MYO10: variants seen among roughly 807,000 people sequenced by gnomAD.
MYO10 encodes the protein myosin X, also known as unconventional myosin-X.
MYO10 carries 133 observed loss-of-function variants against 257.3 expected under a neutral mutation model. The ratio of observed to expected loss-of-function variants is 0.52; its 90% CI spans 0.45 to 0.60. The LOEUF is 0.60. Among genes scored for constraint, MYO10 ranks in the 20% least tolerant of loss-of-function variants. MYO10 has a pLI of 0.00. For missense variants in MYO10, 2,399 were observed against 2,635.7 expected (o/e 0.91, Z 1.97); for synonymous variants, 1,104 against 1,028.6 (o/e 1.07, Z -1.40).
At position 16,700,113 on chromosome 5, in the gene MYO10, G is replaced by C. The variant is rs116834486; in HGVS notation, c.3433-540C>G. ...GCACGACCAAAGCGACAAAATAAAA[G>C]TAAACTACAGATAAATCCAGAAACT... On this transcript the variant is annotated intron_variant, in intron 25 of 40. Coordinates refer to ENST00000513610, the MANE Select transcript of MYO10 (RefSeq NM_012334.3). 2.0e-4 allele frequency among the ~76,000 whole-genome samples: 31 copies of C among 152,238 alleles called. 1 individual carries two copies. The highest frequency in any genetic ancestry group is 3.4e-4 in the Non-Finnish European group (23 of 68,020).
rs528342454 is a variant in MYO10, at chr5:16,769,408, C to G, written c.931-205G>C. On this transcript the variant is annotated intron_variant, in intron 9 of 40. Transcript: ENST00000513610. ...GGAGTGCAGTGGCACGATCTTGGCT[C>G]ACTGCAACCTCCGCCTCCTGGGTTC... 2.6e-5 allele frequency among the ~76,000 whole-genome samples: 4 copies of G among 152,304 alleles called. No homozygotes were observed. The South Asian group carries it at 8.3e-4, about 32-fold the overall frequency.
At chr5:16,795,140 T>A (rs1293559343) in intron 3 of MYO10, among the ~76,000 whole-genome samples, 1 of 152,202 alleles carries the variant, frequency 6.6e-6, no homozygotes. Context: ...TCCCTTCCCA[T>A]GGGCAAAGGA....
chr5:16,735,520 T>C (rs1739757488), intron 19 of MYO10, among the ~76,000 whole-genome samples: 1 of 151,832 alleles, frequency 6.6e-6, no homozygotes, highest in Admixed American at 6.6e-5. Context: ...GCCTGGGCAA[T>C]ATAGGGAGAC....
intron 33 of MYO10, among the ~76,000 whole-genome samples, chr5:16,679,286 C>T (rs55730774): frequency 9.2e-5 from 14 of 152,142 alleles, no homozygotes; most frequent in African/African-American, 2.2e-4. Context: ...GAGAACCTGA[C>T]GCAAAGCAGG....
chr5:16,813,442 T>A lies in MYO10; in HGVS notation c.279+4567A>T, dbSNP rs1742501828. 2.0e-5 allele frequency among the ~76,000 whole-genome samples: 3 copies of A among 151,752 alleles called. No homozygotes were observed. The South Asian group carries it at 6.2e-4, about 32-fold the overall frequency. On this transcript the variant is annotated intron_variant, in intron 3 of 40. Transcript: ENST00000513610. ...ATATTATATACTGTAGTACTATATA[T>A]ATACTCAGGCGAGAGGATCACTGGA...
intron 2 of MYO10, among the ~76,000 whole-genome samples, chr5:16,855,819 C>T (rs1052026261): frequency 8.5e-5 from 13 of 152,182 alleles, no homozygotes; most frequent in Admixed American, 6.5e-5. Flanking sequence ...TCTGACGTGG[C>T]GGGGAGATGG....
intron 1 of MYO10, among the ~76,000 whole-genome samples, chr5:16,923,695 CT>C (rs869259743): frequency 6.7e-6 from 1 of 148,384 alleles, no homozygotes; most frequent in Non-Finnish European, 1.5e-5. Flanking sequence ...CACACACACA[CT>C]CCCTAACATC....
chr5:16,920,227 T>A (rs757127423), intron 1 of MYO10, among the ~76,000 whole-genome samples: 1 of 152,098 alleles, frequency 6.6e-6, no homozygotes, highest in African/African-American at 2.4e-5. Flanking sequence ...TGAACCGACA[T>A]TGCGCCACTG....
At chr5:16,698,922 C>G (rs1328916802) in intron 26 of MYO10, among the ~76,000 whole-genome samples, 1 of 143,648 alleles carries the variant, frequency 7.0e-6, no homozygotes, top group East Asian at 1.9e-4. Context: ...CACGCCCGGC[C>G]GAGAACATGC....
chr5:16,818,145 G>C lies in MYO10; in HGVS notation c.143C>G (p.Thr48Arg), dbSNP rs760392319. 4 of 1,595,228 alleles carry C rather than the reference G, an allele frequency of 2.5e-6. No homozygotes were observed. In the Admixed American group the frequency reaches 6.8e-5, roughly 27 times the overall value. ...AGCAGTCACCTTCTGGTGGGTAATTGTGCTCTGCTTGTAAGTGAATACCTG... is the reference window on the plus strand; with the variant it reads ...AGCAGTCACCTTCTGGTGGGTAATTCTGCTCTGCTTGTAAGTGAATACCTG... ...YGQVFTYKQS[T>R]ITHQKVTAMH... Residue 48 changes from threonine to arginine, a missense_variant, in exon 3 of 41, where the codon ACA becomes AGA. Thr to Arg is a moderately conservative substitution (Grantham distance 71). Coordinates refer to ENST00000513610, the MANE Select transcript of MYO10 (RefSeq NM_012334.3).
intron 2 of MYO10, among the ~76,000 whole-genome samples, chr5:16,873,333 G>A (rs1054058903): frequency 2.0e-5 from 3 of 152,228 alleles, no homozygotes; most frequent in African/African-American, 7.2e-5. Flanking sequence ...ACTGCTGTAA[G>A]AAGTGGGTTC....
chr5:16,671,030 G>A, intron 38 of MYO10, 52 bp from the exon 39 acceptor site: 2 of 1,481,552 alleles, frequency 1.3e-6, no homozygotes, highest in Non-Finnish European at 1.8e-6. Context: ...CATGCCATGG[G>A]ATGCCCACGT....
Position 16,664,223 on chromosome 5 carries a change from G to A in MYO10, c.*2469C>T, listed in dbSNP as rs147191152. On this transcript the variant is annotated 3_prime_UTR_variant, in exon 41 of 41. Coordinates refer to ENST00000513610, the MANE Select transcript of MYO10 (RefSeq NM_012334.3). ...AACTATGCCATGTAAAGGCTCACAT[G>A]TAAATCTATGTTCTAACTATGGTGC... 1 of 152,256 alleles carries A rather than the reference G, an allele frequency of 6.6e-6. No homozygotes were observed. Among genetic ancestry groups the A allele is most frequent in the East Asian group, 1.9e-4 (1 of 5,184 alleles). The allele number at this position is 152,256 out of a possible 1,614,324, so 9.4% of individuals were successfully genotyped here. A position where few individuals can be genotyped will look rare whatever the true frequency, so the allele number is the denominator to read the frequency against.
intron 4 of MYO10, 121 bp from the exon 5 acceptor site, chr5:16,783,590 T>A (rs1404414576): frequency 1.8e-6 from 2 of 1,097,512 alleles, no homozygotes; most frequent in Non-Finnish European, 1.3e-6. Flanking sequence ...AAGAGGGAGA[T>A]CAAAATGCCT....
At chr5:16,825,285 T>A (rs1182384132) in intron 2 of MYO10, among the ~76,000 whole-genome samples, 1 of 152,198 alleles carries the variant, frequency 6.6e-6, no homozygotes, top group African/African-American at 2.4e-5. Context: ...TTCCTTATTC[T>A]ATCACGTGTG....
rs1043343393 is a variant in MYO10, at chr5:16,907,583, G to A, written c.21+28205C>T. 6.6e-5 allele frequency among the ~76,000 whole-genome samples: 10 copies of A among 152,152 alleles called. No individual in the cohort carries two copies. The East Asian group carries it at 9.6e-4, about 15-fold the overall frequency. On this transcript the variant is annotated intron_variant, in intron 1 of 40. Coordinates refer to ENST00000513610, the MANE Select transcript of MYO10 (RefSeq NM_012334.3). Reference sequence around the variant, plus strand: ...ATGAGCCCGGGCACTAACAATGTCCGAAAGGATTATGCAGACAATATTAAA... The same window carrying A: ...ATGAGCCCGGGCACTAACAATGTCCAAAAGGATTATGCAGACAATATTAAA...
intron 2 of MYO10, among the ~76,000 whole-genome samples, chr5:16,838,520 G>A (rs1386141170): frequency 2.6e-5 from 4 of 152,188 alleles, no homozygotes. Flanking sequence ...TCGTTGATGA[G>A]ATTTAAGAAA....
intron 21 of MYO10, among the ~76,000 whole-genome samples, chr5:16,710,402 A>C (rs1391673035): frequency 6.6e-6 from 1 of 152,220 alleles, no homozygotes; most frequent in Non-Finnish European, 1.5e-5. Flanking sequence ...CCTCTGCCCC[A>C]ACAGCATCTT....
intron 3 of MYO10, among the ~76,000 whole-genome samples, chr5:16,796,274 G>GGAAA (rs980756260): frequency 7.5e-6 from 1 of 133,744 alleles, no homozygotes; most frequent in African/African-American, 2.8e-5. Context: ...AAAGAAAGAA[G>GGAAA]GAAAGAAAGA....
Sources: gnomAD v4.1 joint callset for allele counts (sites outside exome capture counted in the v4.1 genomes callset) on GRCh38, gnomAD v4.1.1 for gene constraint, MANE v1.5 for transcripts, NCBI Gene and HGNC (gene_info 2026-07-23, HGNC 2026-07-21) for gene names.